Variants in ZNF566 observed in about 807,000 individuals in gnomAD.
ZNF566 encodes the protein zinc finger protein 566.
In ZNF566, 27 loss-of-function variants were observed where a neutral mutation model predicts 32.8. The observed-to-expected ratio is 0.82, with a 90% CI of 0.61 to 1.14. The LOEUF is 1.14. Among genes scored for constraint, ZNF566 ranks in the 50% most tolerant of loss-of-function variants. The probability of loss-of-function intolerance (pLI) is 0.00; values close to 1 mark genes in which losing one functional copy is unlikely to be tolerated. For missense variants in ZNF566, 402 were observed against 490.4 expected, an observed-to-expected ratio of 0.82 and a Z score of 1.70; for synonymous variants, 154 against 159.5, an observed-to-expected ratio of 0.97 and a Z score of 0.26.
At chr19:36,486,758 T>C (rs761323642) in intron 1 of ZNF566, among the ~76,000 whole-genome samples, 1 of 148,702 alleles carries the variant, frequency 6.7e-6, no homozygotes, top group African/African-American at 2.5e-5. Flanking sequence ...AAAAAGAAGA[T>C]ATACAAATGG....
chr19:36,476,305 C>CT, intron 2 of ZNF566: 1 of 345,798 alleles, frequency 2.9e-6, no homozygotes, highest in Admixed American at 5.0e-5. Context: ...GACTCCATCT[C>CT]GAAAAAAAAA....
At chr19:36,460,557 C>T (rs2033435817) in intron 4 of ZNF566, among the ~76,000 whole-genome samples, 1 of 152,012 alleles carries the variant, frequency 6.6e-6, no homozygotes, top group Non-Finnish European at 1.5e-5. Context: ...AACATAGCCT[C>T]TGGGAATGTA....
At chr19:36,487,549 T>C (rs1206966791) in intron 1 of ZNF566, among the ~76,000 whole-genome samples, 1 of 152,112 alleles carries the variant, frequency 6.6e-6, no homozygotes, top group East Asian at 1.9e-4. Context: ...ACATAATATA[T>C]AACAAAAGAA....
At chr19:36,474,760 ACT>A (rs1348274613) in intron 2 of ZNF566, among the ~76,000 whole-genome samples, 6 of 152,194 alleles carry the variant, frequency 3.9e-5, no homozygotes, top group Admixed American at 6.5e-5. Flanking sequence ...ATAATTTAAG[ACT>A]CTGATCCATT....
At chr19:36,468,687 G>A (rs1241736668) in intron 4 of ZNF566, among the ~76,000 whole-genome samples, 3 of 150,664 alleles carry the variant, frequency 2.0e-5, no homozygotes, top group Non-Finnish European at 4.4e-5. Flanking sequence ...CCTGAGTGGT[G>A]GGATCACTTG....
At chr19:36,488,781 A>T (rs187145898) in intron 1 of ZNF566, among the ~76,000 whole-genome samples, 1 of 152,338 alleles carries the variant, frequency 6.6e-6, no homozygotes, top group Non-Finnish European at 1.5e-5. Context: ...GTATGACAAC[A>T]TTCATATAAA....
In ZNF566 at chr19:36,471,070, C is replaced by T. The variant is rs774172912; in HGVS notation, c.232+1841G>A. Among the ~76,000 whole-genome samples, 4 of 149,220 alleles carry T rather than the reference C, an allele frequency of 2.7e-5. No individual in the cohort carries two copies. In the South Asian group the frequency reaches 6.4e-4, roughly 24 times the overall value. ...GAAAAAAAAATACAAAAAAATTAGC[C>T]GGGCATGGTGGCACGCACCTGTAAT... On this transcript the variant is annotated intron_variant, in intron 4 of 4. Coordinates refer to ENST00000452939, the MANE Select transcript of ZNF566 (RefSeq NM_001145344.1).
intron 4 of ZNF566, among the ~76,000 whole-genome samples, chr19:36,462,405 C>T (rs572044668): frequency 1.3e-5 from 2 of 152,124 alleles, no homozygotes; most frequent in South Asian, 2.1e-4. Context: ...CTAGTCCTAA[C>T]GCTGGGGCTT....
rs560803094 is a variant in ZNF566, at chr19:36,467,790, C to CAAAAAAAAAAA, written c.232+5110_232+5120dup. Among the ~76,000 whole-genome samples, 502 of 85,830 alleles carry CAAAAAAAAAAA rather than the reference C, an allele frequency of 5.8e-3. 7 individuals are homozygous for CAAAAAAAAAAA. The highest frequency in any genetic ancestry group is 0.011 in the East Asian group (22 of 1,984). 56.3% of individuals were successfully genotyped at this position (85,830 alleles called of 152,430 possible). On this transcript the variant is annotated intron_variant, in intron 4 of 4. Coordinates refer to ENST00000452939, the MANE Select transcript of ZNF566 (RefSeq NM_001145344.1). Reference sequence around the variant, plus strand: ...TGGGTGACAGAGCGAGACTCCATCTCAAAAAAAAAAAAAAAAAAAAAAAAA... The same window carrying CAAAAAAAAAAA: ...TGGGTGACAGAGCGAGACTCCATCTCAAAAAAAAAAAAAAAAAAAAAAAAAAAAAAAAAAAA...
chr19:36,450,072 G>A, intron 4 of ZNF566, 71 bp from the exon 5 acceptor site: 1 of 1,349,074 alleles, frequency 7.4e-7, no homozygotes, highest in Non-Finnish European at 1.0e-6. Flanking sequence ...AATCAATATG[G>A]GAGAATTTAA....
intron 4 of ZNF566, among the ~76,000 whole-genome samples, chr19:36,467,825 GA>G (rs1457256460): frequency 1.0e-5 from 1 of 98,390 alleles, no homozygotes; most frequent in East Asian, 3.7e-4. Flanking sequence ...AAAAAAAAAA[GA>G]AAAAAAGAAG....
intron 4 of ZNF566, among the ~76,000 whole-genome samples, chr19:36,454,387 C>A (rs1359380729): frequency 6.6e-6 from 1 of 151,948 alleles, no homozygotes; most frequent in Non-Finnish European, 1.5e-5. Flanking sequence ...AACAAAGACA[C>A]TATAAAACAG....
intron 4 of ZNF566, among the ~76,000 whole-genome samples, chr19:36,472,619 A>G (rs1485043906): frequency 2.0e-5 from 3 of 152,200 alleles, no homozygotes; most frequent in Admixed American, 2.0e-4. Flanking sequence ...ACAAAGGAGG[A>G]TGAGAAGCTA....
chr19:36,487,007 G>A (rs1367574582), intron 1 of ZNF566, among the ~76,000 whole-genome samples: 6 of 147,884 alleles, frequency 4.1e-5, no homozygotes, highest in African/African-American at 1.0e-4. Flanking sequence ...GGAGAATGGC[G>A]TGAACCCGGG....
At position 36,468,185 on chromosome 19, in the gene ZNF566, C is replaced by CAAA. The variant is rs34868021; in HGVS notation, c.232+4723_232+4725dup. 3.0e-3 allele frequency among the ~76,000 whole-genome samples: 302 copies of CAAA among 101,550 alleles called. 2 individuals are homozygous for CAAA. The highest frequency in any genetic ancestry group is 0.011 in the African/African-American group (284 of 26,108). The allele number at this position is 101,550 out of a possible 152,430, so 66.6% of individuals were successfully genotyped here. A position where few individuals can be genotyped will look rare whatever the true frequency, so the allele number is the denominator to read the frequency against. The stretch of plus-strand genomic sequence containing the variant: ...GGGCAACAAGAGTGAAACTCTGCCT[C>CAAA]AAAAAAAAAAAAAAAAAAAATTAAA... On this transcript the variant is annotated intron_variant, in intron 4 of 4. Coordinates refer to ENST00000452939, the MANE Select transcript of ZNF566 (RefSeq NM_001145344.1).
chr19:36,473,426 G>A lies in ZNF566; in HGVS notation c.42C>T (p.Asp14=). ...ESVMFSDVSV[D]FSQEEWECLN... is the part of the protein sequence containing the mutation. ...GGCATTCCCACTCCTCCTGAGAGAA[G>A]TCTACGGACACATCACTGAACATCA... Residue 14 remains aspartate, a synonymous_variant, in exon 3 of 5, where the codon GAC becomes GAT. Coordinates refer to ENST00000452939, the MANE Select transcript of ZNF566 (RefSeq NM_001145344.1). The A allele has an allele frequency of 6.2e-7, 1 of 1,612,044 alleles. No individual in the cohort carries two copies. The highest frequency in any genetic ancestry group is 8.5e-7 in the Non-Finnish European group (1 of 1,179,058).
At chr19:36,477,537 G>GTTT (rs754474326) in intron 1 of ZNF566, among the ~76,000 whole-genome samples, 2 of 82,790 alleles carry the variant, frequency 2.4e-5, no homozygotes, top group Admixed American at 1.2e-4. Flanking sequence ...TTTTTTTTTT[G>GTTT]TTTGTTTGTT....
chr19:36,447,423 C>T lies in ZNF566; in HGVS notation c.*1554G>A, dbSNP rs559033250. ...GTTAACTGATCACATGCTAATTTTT[C>T]CCTGTTCTCTGTGTTTATGAGAGTC... On this transcript the variant is annotated 3_prime_UTR_variant, in exon 5 of 5. Transcript: ENST00000452939. 2.0e-5 allele frequency: 3 copies of T among 152,210 alleles called. No homozygotes were observed. The South Asian group carries it at 6.2e-4, about 32-fold the overall frequency. 9.4% of individuals were successfully genotyped at this position (152,210 alleles called of 1,614,324 possible).
intron 1 of ZNF566, among the ~76,000 whole-genome samples, chr19:36,482,350 C>T (rs1287539730): frequency 6.6e-6 from 1 of 152,092 alleles, no homozygotes; most frequent in African/African-American, 2.4e-5. Flanking sequence ...CGTGATTCGC[C>T]GGCCTCGGCC....
Sources: allele counts gnomAD v4.1 joint callset (sites outside exome capture counted in the v4.1 genomes callset), GRCh38; gene constraint gnomAD v4.1.1; transcripts MANE v1.5; gene names NCBI Gene and HGNC (gene_info 2026-07-23, HGNC 2026-07-21).